Variants in L3MBTL3 observed in about 807,000 individuals in gnomAD.
L3MBTL3 encodes the protein lethal(3)malignant brain tumor-like protein 3.
A neutral mutation model predicts 102.3 loss-of-function variants in L3MBTL3; 27 were observed. That is an observed-to-expected ratio of 0.26 (90% confidence interval 0.19 to 0.36). The LOEUF (loss-of-function observed/expected upper bound fraction) is 0.36, where lower values mean the gene tolerates loss of function less well. Among genes scored for constraint, L3MBTL3 ranks in the 10% least tolerant of loss-of-function variants. The pLI, the probability that L3MBTL3 is intolerant of heterozygous loss-of-function variation, is 1.00. For missense variants in L3MBTL3, 798 were observed against 955.3 expected (o/e 0.84, Z 2.17); for synonymous variants, 340 against 320.9 (o/e 1.06, Z -0.64).
At chr6:130,076,566 T>C (rs1782963479) in intron 13 of L3MBTL3, among the ~76,000 whole-genome samples, 1 of 152,160 alleles carries the variant, frequency 6.6e-6, no homozygotes, top group African/African-American at 2.4e-5. Flanking sequence ...ACACATGAAA[T>C]GTATTTCAAA....
At chr6:130,051,454 A>G (rs1319742034) in intron 6 of L3MBTL3, 46 bp downstream of exon 6, 2 of 1,521,250 alleles carry the variant, frequency 1.3e-6, no homozygotes, top group African/African-American at 1.4e-5. Context: ...TTTAGATTCC[A>G]AAGTCATGGT....
At position 130,087,463 on chromosome 6, in the gene L3MBTL3, A is replaced by G. The variant is rs143578998; in HGVS notation, c.1518+1213A>G. Among the ~76,000 whole-genome samples, 30 of 152,302 alleles carry G rather than the reference A, an allele frequency of 2.0e-4. 1 individual carries two copies. Among genetic ancestry groups the G allele is most frequent in the Non-Finnish European group, 1.5e-4 (10 of 67,998 alleles). ...AAGTACAATATTACTTTTATAAATC[A>G]GATTGCTCAGAATTGAAAAAAAATA... is the stretch of plus-strand genomic sequence containing the variant. On this transcript the variant is annotated intron_variant, in intron 16 of 22. Transcript: ENST00000361794.
intron 20 of L3MBTL3, among the ~76,000 whole-genome samples, chr6:130,126,885 T>C (rs1270032797): frequency 6.6e-6 from 1 of 152,110 alleles, no homozygotes; most frequent in East Asian, 1.9e-4. Context: ...GAGACTCAAG[T>C]CCAATGGTTG....
In L3MBTL3 at chr6:130,068,349, C is replaced by A; in HGVS notation, c.1020C>A (p.Phe340Leu). 1 of 1,595,552 alleles carries A rather than the reference C, an allele frequency of 6.3e-7. No homozygotes were observed. The highest frequency in any genetic ancestry group is 2.2e-5 in the East Asian group (1 of 44,638). ...CTCTAGGGTATAAAGAAGAAGAATT[C>A]AATTGGCAGACCTATCTTAAGACAT... ...HPPKGYKEEE[F>L]NWQTYLKTCK... The change falls in exon 12 of 23, where the codon TTC (phenylalanine) becomes TTA (leucine). Residue 340 changes from phenylalanine to leucine, a missense_variant. By Grantham distance (22) the Phe-to-Leu change is conservative (BLOSUM62 0). Transcript: ENST00000361794.
intron 20 of L3MBTL3, among the ~76,000 whole-genome samples, chr6:130,130,014 A>G (rs1338942183): frequency 6.6e-6 from 1 of 152,226 alleles, no homozygotes; most frequent in African/African-American, 2.4e-5. Context: ...TGTGTGGCAG[A>G]TAACATCAGT....
At chr6:130,136,856 G>C (rs1399799027) in intron 22 of L3MBTL3, among the ~76,000 whole-genome samples, 1 of 152,124 alleles carries the variant, frequency 6.6e-6, no homozygotes, top group Non-Finnish European at 1.5e-5. Flanking sequence ...GACCTCAAGT[G>C]ATCCACTGAC....
intron 14 of L3MBTL3, among the ~76,000 whole-genome samples, chr6:130,079,095 ATAAGAGG>A (rs1483051952): frequency 2.8e-4 from 42 of 152,332 alleles, no homozygotes; most frequent in African/African-American, 9.6e-4. Context: ...AGAAAAATGG[ATAAGAGG>A]GACAGCATTT....
rs1199515016 is a variant in L3MBTL3 at position 130,123,553 on chromosome 6, T to C, written c.1966+2595T>C. Among the ~76,000 whole-genome samples the C allele has an allele frequency of 4.6e-5, 7 of 152,188 alleles. No homozygotes were observed. The South Asian group carries it at 6.2e-4, about 14-fold the overall frequency. ...TCCAGCTGTAGCCTCCTAAAATCAATGTAATTTTTCTTCTTTTTCATGTTT... is the reference window on the plus strand; with the variant it reads ...TCCAGCTGTAGCCTCCTAAAATCAACGTAATTTTTCTTCTTTTTCATGTTT... On this transcript the variant is annotated intron_variant, in intron 20 of 22. Coordinates refer to ENST00000361794, the MANE Select transcript of L3MBTL3 (RefSeq NM_032438.4).
At chr6:130,046,563 A>G (rs1224058525) in intron 3 of L3MBTL3, among the ~76,000 whole-genome samples, 2 of 152,256 alleles carry the variant, frequency 1.3e-5, no homozygotes, top group African/African-American at 2.4e-5. Flanking sequence ...AGTCCCTTAT[A>G]TATTTCAGGC....
intron 10 of L3MBTL3, among the ~76,000 whole-genome samples, chr6:130,063,779 CAG>C (rs1378126324): frequency 2.6e-5 from 4 of 152,184 alleles, no homozygotes; most frequent in Admixed American, 1.3e-4. Context: ...AGCACTATGT[CAG>C]GGGCCATTTT....
At chr6:130,050,323 T>G (rs987273123) in intron 5 of L3MBTL3, among the ~76,000 whole-genome samples, 1 of 152,268 alleles carries the variant, frequency 6.6e-6, no homozygotes, top group Non-Finnish European at 1.5e-5. Context: ...TTGTATGTTG[T>G]GTTCTGGCAG....
chr6:130,034,651 T>G (rs868159316), intron 2 of L3MBTL3, among the ~76,000 whole-genome samples: 4 of 152,232 alleles, frequency 2.6e-5, no homozygotes, highest in Non-Finnish European at 5.9e-5. Flanking sequence ...TTAATTTTGT[T>G]TCATTTCTTA....
chr6:130,087,108 T>G, intron 16 of L3MBTL3, among the ~76,000 whole-genome samples: 1 of 152,152 alleles, frequency 6.6e-6, no homozygotes. Flanking sequence ...TGTAGGAGTC[T>G]TAAGTTTATG....
At chr6:130,107,569 A>G (rs940993996) in intron 19 of L3MBTL3, among the ~76,000 whole-genome samples, 1 of 152,208 alleles carries the variant, frequency 6.6e-6, no homozygotes, top group Non-Finnish European at 1.5e-5. Flanking sequence ...AAATACTGAT[A>G]TATTAAAAAA....
chr6:130,090,272 CCTG>C (rs1414022346), intron 16 of L3MBTL3, among the ~76,000 whole-genome samples: 11 of 152,114 alleles, frequency 7.2e-5, no homozygotes, highest in Non-Finnish European at 1.5e-4. Context: ...TAACCAGTCT[CCTG>C]ATGATGGGCA....
chr6:130,125,060 C>T (rs1786503427), intron 20 of L3MBTL3, among the ~76,000 whole-genome samples: 1 of 152,064 alleles, frequency 6.6e-6, no homozygotes, highest in Admixed American at 6.5e-5. Context: ...AGTACTGGAG[C>T]GGGGTCCTGG....
chr6:130,047,099 A>G (rs1780770758), intron 3 of L3MBTL3, among the ~76,000 whole-genome samples: 7 of 152,164 alleles, frequency 4.6e-5, no homozygotes, highest in Admixed American at 2.6e-4. Flanking sequence ...AAGAGCAGGT[A>G]TTCTTTATTT....
chr6:130,104,056 T>C (rs753991139), intron 18 of L3MBTL3, among the ~76,000 whole-genome samples: 10 of 152,158 alleles, frequency 6.6e-5, no homozygotes, highest in Non-Finnish European at 1.5e-4. Flanking sequence ...GCAAATCTGC[T>C]CCATTAACCA....
At chr6:130,097,565 A>C (rs1192995953) in intron 18 of L3MBTL3, among the ~76,000 whole-genome samples, 1 of 152,188 alleles carries the variant, frequency 6.6e-6, no homozygotes, top group Non-Finnish European at 1.5e-5. Context: ...AAAATGGTGA[A>C]ATATAAATGA....
Sources: gnomAD v4.1 joint callset for allele counts (sites outside exome capture counted in the v4.1 genomes callset) on GRCh38, gnomAD v4.1.1 for gene constraint, MANE v1.5 for transcripts, NCBI Gene and HGNC (gene_info 2026-07-23, HGNC 2026-07-21) for gene names.